The following NR2C1 variants were observed in gnomAD, a reference collection of about 807,000 sequenced individuals.
The protein encoded by NR2C1 is nuclear receptor subfamily 2 group C member 1, also known as TR2 nuclear hormone receptor.
In NR2C1, 33 loss-of-function variants were observed where a neutral mutation model predicts 74.8. That is an observed-to-expected ratio of 0.44 (90% CI 0.33 to 0.59). The LOEUF (loss-of-function observed/expected upper bound fraction) is 0.59, where lower values mean the gene tolerates loss of function less well. Ranked by LOEUF, NR2C1 falls within the 20% of genes least tolerant of loss-of-function variation. The pLI is 0.02. For synonymous variants in NR2C1, 225 were observed against 240.6 expected, an observed-to-expected ratio of 0.94 and a Z score of 0.60; for missense variants, 568 against 715.6, an observed-to-expected ratio of 0.79 and a Z score of 2.35.
intron 10 of NR2C1, among the ~76,000 whole-genome samples, chr12:95,034,185 GT>G (rs1203496375): frequency 6.6e-6 from 1 of 151,250 alleles, no homozygotes; most frequent in Non-Finnish European, 1.5e-5. Context: ...GTCACAGCAA[GT>G]TTTTTTTTCT....
chr12:95,042,932 CAAAA>C (rs869036674), intron 9 of NR2C1, among the ~76,000 whole-genome samples: 1 of 65,696 alleles, frequency 1.5e-5, no homozygotes, highest in Non-Finnish European at 3.0e-5. Flanking sequence ...CCCATTTCTA[CAAAA>C]AAAAAAAAAA....
At chr12:95,041,270 G>C (rs1004022624) in intron 9 of NR2C1, among the ~76,000 whole-genome samples, 2 of 152,116 alleles carry the variant, frequency 1.3e-5, no homozygotes, top group Non-Finnish European at 2.9e-5. Context: ...GGTGGATCAC[G>C]ATGTCGAGAG....
chr12:95,072,131 C>T (rs913416842), intron 1 of NR2C1, among the ~76,000 whole-genome samples: 1 of 147,616 alleles, frequency 6.8e-6, no homozygotes, highest in African/African-American at 2.5e-5. Context: ...AAACAATCAT[C>T]GGCCGGGCGC....
chr12:95,035,119 A>G (rs924175212), intron 10 of NR2C1, among the ~76,000 whole-genome samples: 3 of 152,214 alleles, frequency 2.0e-5, no homozygotes, highest in African/African-American at 4.8e-5. Context: ...AATGGGGTAA[A>G]TTTACATGTA....
At chr12:95,029,118 G>A (rs1190031788) in intron 11 of NR2C1, among the ~76,000 whole-genome samples, 1 of 152,180 alleles carries the variant, frequency 6.6e-6, no homozygotes, top group East Asian at 1.9e-4. Context: ...GTCTCGCTCT[G>A]TTGCCCAAGG....
chr12:95,068,905 G>A (rs1311741541), intron 1 of NR2C1, among the ~76,000 whole-genome samples: 2 of 152,110 alleles, frequency 1.3e-5, no homozygotes, highest in African/African-American at 2.4e-5. Context: ...AGAGGCTGTG[G>A]TGAGCCAAGA....
At chr12:95,025,112 T>C (rs752523008) in intron 13 of NR2C1, 38 bp downstream of exon 13, 1 of 956,836 alleles carries the variant, frequency 1.0e-6, no homozygotes, top group African/African-American at 1.7e-5. Context: ...AAAAGGTTTT[T>C]CAATTATTTT....
intron 11 of NR2C1, chr12:95,030,847 G>A (rs1182123565): frequency 6.2e-7 from 1 of 1,613,348 alleles, no homozygotes; most frequent in Non-Finnish European, 8.5e-7. Context: ...CTTGTGAAAT[G>A]AATGAGGGCT....
chr12:95,023,785 T>C lies in NR2C1; in HGVS notation c.1637+1365A>G, dbSNP rs1278367947. ...TTAAGTAACCAACAATGTAAAAAAC[T>C]GAGAAAGCTGCAGTCACAAAGGAAA... On this transcript the variant is annotated intron_variant, in intron 13 of 13. Coordinates refer to ENST00000333003, the MANE Select transcript of NR2C1 (RefSeq NM_003297.4). Among the ~76,000 whole-genome samples, 4 of 152,124 alleles carry C rather than the reference T, an allele frequency of 2.6e-5. No homozygotes were observed. In the East Asian group the frequency reaches 7.7e-4, roughly 29 times the overall value.
intron 10 of NR2C1, among the ~76,000 whole-genome samples, chr12:95,036,405 C>T (rs1170958523): frequency 2.0e-5 from 3 of 150,638 alleles, no homozygotes; most frequent in Non-Finnish European, 4.4e-5. Context: ...ACCTCCATCT[C>T]TAGTTTTTAA....
At chr12:95,072,989 G>T (rs938332129) in intron 1 of NR2C1, 1 of 152,260 alleles carries the variant, frequency 6.6e-6, no homozygotes, top group Admixed American at 6.5e-5. Flanking sequence ...GTGCGCCCTG[G>T]AAGCCCCGGC....
At chr12:95,031,054 TCTACATAA>T (rs1184743266) in intron 11 of NR2C1, among the ~76,000 whole-genome samples, 2 of 152,224 alleles carry the variant, frequency 1.3e-5, no homozygotes, top group Non-Finnish European at 2.9e-5. Flanking sequence ...TTTGACCACC[TCTACATAA>T]GCTCACCCTG....
At chr12:95,072,743 T>C (rs570713883) in intron 1 of NR2C1, 1 of 152,420 alleles carries the variant, frequency 6.6e-6, no homozygotes, top group Non-Finnish European at 1.5e-5. Context: ...ATCGGAAGCT[T>C]GGACATGCCC....
intron 7 of NR2C1, among the ~76,000 whole-genome samples, chr12:95,052,641 T>C (rs1873192670): frequency 6.6e-6 from 1 of 152,002 alleles, no homozygotes; most frequent in African/African-American, 2.4e-5. Flanking sequence ...TTTTTAGAAA[T>C]GGGGTCTTGC....
At chr12:95,063,235 C>T (rs551064900) in intron 2 of NR2C1, among the ~76,000 whole-genome samples, 2 of 152,148 alleles carry the variant, frequency 1.3e-5, no homozygotes, top group East Asian at 1.9e-4. Flanking sequence ...TTTGCAAAGG[C>T]CTGAGTGAAG....
intron 7 of NR2C1, among the ~76,000 whole-genome samples, chr12:95,052,433 C>G (rs74345467): frequency 1.3e-5 from 2 of 152,098 alleles, no homozygotes; most frequent in African/African-American, 4.8e-5. Context: ...GGATTACAGG[C>G]GTGGGCCATC....
chr12:95,071,920 G>T (rs190217045), intron 1 of NR2C1, among the ~76,000 whole-genome samples: 2,649 of 150,812 alleles, frequency 0.018, 34 homozygotes, highest in Non-Finnish European at 0.029. Flanking sequence ...GACTAATTTT[G>T]TATTTTTAGT....
At chr12:95,028,667 C>T in intron 11 of NR2C1, 143 bp from the exon 12 acceptor site, 1 of 623,308 alleles carries the variant, frequency 1.6e-6, no homozygotes, top group Non-Finnish European at 2.8e-6. Flanking sequence ...TCCTGTCGCC[C>T]AGGTGGCAGT....
chr12:95,041,109 T>G (rs889607995), intron 9 of NR2C1, among the ~76,000 whole-genome samples: 5 of 152,136 alleles, frequency 3.3e-5, no homozygotes, highest in Non-Finnish European at 2.9e-5. Context: ...TTCAGTGCAG[T>G]GAAAACATAT....
Sources: gnomAD v4.1 joint callset for allele counts (sites outside exome capture counted in the v4.1 genomes callset) on GRCh38, gnomAD v4.1.1 for gene constraint, MANE v1.5 for transcripts, NCBI Gene and HGNC (gene_info 2026-07-23, HGNC 2026-07-21) for gene names.